Variants in IGLL1 observed in about 807,000 individuals in gnomAD.
IGLL1 encodes the protein immunoglobulin lambda like polypeptide 1.
A neutral mutation model predicts 10.5 loss-of-function variants in IGLL1; 10 were observed. The observed-to-expected ratio is 0.95, with a 90% CI of 0.59 to 1.62. The LOEUF is 1.62. IGLL1 is among the 40% of genes most tolerant of loss of function. The pLI, the probability that IGLL1 is intolerant of heterozygous loss-of-function variation, is 0.00. For missense variants in IGLL1, 284 were observed against 278.7 expected (o/e 1.02, Z -0.14); for synonymous variants, 141 against 122.7 (o/e 1.15, Z -0.99).
At position 23,575,466 on chromosome 22, in the gene IGLL1, C is replaced by T. The variant is rs542272015; in HGVS notation, c.207-384G>A. 5.9e-5 allele frequency among the ~76,000 whole-genome samples: 9 copies of T among 152,286 alleles called. No homozygotes were observed. In the South Asian group the frequency reaches 1.9e-3, roughly 32 times the overall value. On this transcript the variant is annotated intron_variant, in intron 1 of 2. Coordinates refer to ENST00000330377, the MANE Select transcript of IGLL1 (RefSeq NM_020070.4). Reference sequence around the variant, plus strand: ...CCAGGACATTGGGTCATTCCTGACTCAAGAGGAGAGTCCTCTGCTTTTATA... The same window carrying T: ...CCAGGACATTGGGTCATTCCTGACTTAAGAGGAGAGTCCTCTGCTTTTATA...
chr22:23,574,933 G>A, intron 2 of IGLL1, 34 bp downstream of exon 2: 1 of 1,388,882 alleles, frequency 7.2e-7, no homozygotes, highest in Non-Finnish European at 1.0e-6. Flanking sequence ...AGACAGGAGA[G>A]GGTGGGACAG....
rs184360783 is a variant in IGLL1 at position 23,579,912 on chromosome 22, G to A, written c.206+73C>T. On this transcript the variant is annotated intron_variant, in intron 1 of 2. Coordinates refer to ENST00000330377, the MANE Select transcript of IGLL1 (RefSeq NM_020070.4). ...ACCTTCCTCCTCACCCCTCTGGCTCGTCTCCCCTTGGTCATCCTTTCCCGC... is the reference window on the plus strand; with the variant it reads ...ACCTTCCTCCTCACCCCTCTGGCTCATCTCCCCTTGGTCATCCTTTCCCGC... 77 of 1,308,270 alleles carry A rather than the reference G, an allele frequency of 5.9e-5. 1 individual carries two copies. In the African/African-American group the frequency reaches 7.5e-4, roughly 13 times the overall value. The allele number at this position is 1,308,270 out of a possible 1,614,324, so 81.0% of individuals were successfully genotyped here. A position where few individuals can be genotyped will look rare whatever the true frequency, so the allele number is the denominator to read the frequency against.
chr22:23,580,127 G>A lies in IGLL1; in HGVS notation c.64C>T (p.Gln22Ter), dbSNP rs74315491. The change falls in exon 1 of 3, where the codon CAG (glutamine) becomes TAG (stop). Residue 22 changes from glutamine to a stop codon, truncating the protein, a stop_gained. Coordinates refer to ENST00000330377, the MANE Select transcript of IGLL1 (RefSeq NM_020070.4). LOFTEE classifies it high-confidence loss of function. Reference protein sequence around the residue: ...APGEPGPNLRQRWPLLLLGLA... With the variant: ...APGEPGPNLR ...CCCAGCAGCAGCAGGGGCCAGCGCT[G>A]CCTGAGGTTGGGGCCTGGCTCACCA... 3.2e-6 allele frequency: 5 copies of A among 1,562,454 alleles called. No homozygotes were observed. The highest frequency in any genetic ancestry group is 1.7e-6 in the Non-Finnish European group (2 of 1,156,532).
chr22:23,575,658 T>C (rs1178960432), intron 1 of IGLL1, among the ~76,000 whole-genome samples: 1 of 152,154 alleles, frequency 6.6e-6, no homozygotes, highest in Non-Finnish European at 1.5e-5. Flanking sequence ...TCCATCCATC[T>C]ACCTGTCCGT....
At chr22:23,579,683 C>T (rs1427918046) in intron 1 of IGLL1, among the ~76,000 whole-genome samples, 1 of 152,086 alleles carries the variant, frequency 6.6e-6, no homozygotes, top group Non-Finnish European at 1.5e-5. Flanking sequence ...CTGCCCCTGC[C>T]TCCAGTCCTG....
Position 23,575,129 on chromosome 22 carries a change from C to T in IGLL1, c.207-47G>A, listed in dbSNP as rs4292172. 171 of 1,361,644 alleles carry T rather than the reference C, an allele frequency of 1.3e-4. No homozygotes were observed. In the East Asian group the frequency reaches 2.0e-3, roughly 16 times the overall value. 84.3% of individuals were successfully genotyped at this position (1,361,644 alleles called of 1,614,324 possible). ...GGGCTGCAGTGTGTAGGCTGTGACC[C>T]AGGCACAGGGTAGGGGGGTGGCCAG... On this transcript the variant is annotated intron_variant, in intron 1 of 2. Transcript: ENST00000330377.
chr22:23,577,177 C>T (rs935668149), intron 1 of IGLL1, among the ~76,000 whole-genome samples: 8 of 152,096 alleles, frequency 5.3e-5, no homozygotes, highest in African/African-American at 1.7e-4. Context: ...TTTAGGAGGC[C>T]GAGGCGGGTG....
chr22:23,578,724 G>A (rs561649108), intron 1 of IGLL1, among the ~76,000 whole-genome samples: 2 of 152,302 alleles, frequency 1.3e-5, no homozygotes, highest in Admixed American at 1.3e-4. Context: ...GGAGGCTGAG[G>A]TGGGTGGATC....
rs1924889484 is a variant in IGLL1, at chr22:23,573,449, A to T, written c.459T>A (p.Gly153=). ...TCTCCACGCCCTGGGTGATGGGGGT[A>T]CCATCTGCCTTCCAGGTCACCGTCA... ...GILTVTWKAD[G]TPITQGVEMT... is the part of the protein sequence containing the mutation. The change falls in exon 3 of 3, where the codon GGT becomes GGA. Residue 153 remains glycine, a synonymous_variant. Coordinates refer to ENST00000330377, the MANE Select transcript of IGLL1 (RefSeq NM_020070.4). 1 of 1,613,826 alleles carries T rather than the reference A, an allele frequency of 6.2e-7. No homozygotes were observed. Among genetic ancestry groups the T allele is most frequent in the South Asian group, 1.1e-5 (1 of 91,074 alleles).
At chr22:23,574,220 A>C (rs113568147) in intron 2 of IGLL1, among the ~76,000 whole-genome samples, 18 of 151,216 alleles carry the variant, frequency 1.2e-4, no homozygotes, top group Non-Finnish European at 2.4e-4. Context: ...TTCACCTGGC[A>C]GCCATGGAGT....
chr22:23,575,762 T>C (rs2096522), intron 1 of IGLL1, among the ~76,000 whole-genome samples: 23,829 of 151,786 alleles, frequency 0.16, 4,312 homozygotes, highest in African/African-American at 0.45. Context: ...CAGGCCATGG[T>C]CAACAAGGCC....
rs141766631 is a variant in IGLL1, at chr22:23,573,417, G to A, written c.491C>T (p.Thr164Met). The stretch of plus-strand genomic sequence containing the variant: ...CTTGTTGTTGCTCTGTTTGGAGGGC[G>A]TGGTCATCTCCACGCCCTGGGTGAT... ...TPITQGVEMT[T>M]PSKQSNNKYA... The change falls in exon 3 of 3, where the codon ACG becomes ATG. Residue 164 changes from threonine (T) to methionine (M), a missense_variant. Physicochemically the swap from Thr to Met is moderately conservative, Grantham distance 81 (BLOSUM62 -1). Coordinates refer to ENST00000330377, the MANE Select transcript of IGLL1 (RefSeq NM_020070.4). 2.7e-5 allele frequency: 43 copies of A among 1,613,928 alleles called. 1 individual carries two copies. Among genetic ancestry groups the A allele is most frequent in the Middle Eastern group, 3.3e-4 (2 of 6,080 alleles).
At position 23,573,166 on chromosome 22, in the gene IGLL1, G is replaced by A. The variant is rs1050058297; in HGVS notation, c.*100C>T. 5.4e-6 allele frequency: 6 copies of A among 1,102,906 alleles called. No homozygotes were observed. The highest frequency in any genetic ancestry group is 4.6e-5 in the African/African-American group (3 of 64,718). 68.3% of individuals were successfully genotyped at this position (1,102,906 alleles called of 1,614,324 possible). On this transcript the variant is annotated 3_prime_UTR_variant, in exon 3 of 3. Transcript: ENST00000330377. Reference sequence around the variant, plus strand: ...AGGGTATTTATTTAGGGTTTACTGGGTACAGGGAGAAGGGCTGGATGGCTT... The same window carrying A: ...AGGGTATTTATTTAGGGTTTACTGGATACAGGGAGAAGGGCTGGATGGCTT...
chr22:23,575,751 C>T (rs1455688345), intron 1 of IGLL1, among the ~76,000 whole-genome samples: 3 of 152,212 alleles, frequency 2.0e-5, no homozygotes, highest in Non-Finnish European at 4.4e-5. Flanking sequence ...CCCATCTCTC[C>T]CAGGCCATGG....
chr22:23,575,925 T>G (rs371677860), intron 1 of IGLL1, among the ~76,000 whole-genome samples: 19 of 149,354 alleles, frequency 1.3e-4, no homozygotes, highest in African/African-American at 1.8e-4. Flanking sequence ...CCATGGCCCA[T>G]GCCTGGCTGC....
Position 23,575,000 on chromosome 22 carries a change from C to G in IGLL1, c.289G>C (p.Val97Leu), listed in dbSNP as rs760395366. 1.2e-6 allele frequency: 2 copies of G among 1,614,042 alleles called. No homozygotes were observed. The highest frequency in any genetic ancestry group is 1.7e-6 in the Non-Finnish European group (2 of 1,179,924). Residue 97 changes from valine to leucine, a missense_variant, in exon 2 of 3, where the codon GTG (valine) becomes CTG (leucine). Val to Leu is a conservative substitution (Grantham distance 32). Coordinates refer to ENST00000330377, the MANE Select transcript of IGLL1 (RefSeq NM_020070.4). The part of the protein sequence containing the change: ...FQSKHNSVTH[V>L]FGSGTQLTVL... ...GTGAGCTGGGTCCCGCTGCCAAACACATGCGTCACTGAGTTATGCTTGGAT... is the reference window on the plus strand; with the variant it reads ...GTGAGCTGGGTCCCGCTGCCAAACAGATGCGTCACTGAGTTATGCTTGGAT...
intron 1 of IGLL1, among the ~76,000 whole-genome samples, chr22:23,578,244 A>G (rs1447781303): frequency 6.6e-6 from 1 of 152,000 alleles, no homozygotes; most frequent in Non-Finnish European, 1.5e-5. Flanking sequence ...TAGCCCCCCA[A>G]CATAATACCA....
At position 23,579,966 on chromosome 22, in the gene IGLL1, G is replaced by C; in HGVS notation, c.206+19C>G. On this transcript the variant is annotated intron_variant, in intron 1 of 2. Transcript: ENST00000330377. Reference sequence around the variant, plus strand: ...TGCCACCCAGACCCCCACATCCCCTGGAATCTCTCACCCCTTACCTGCCCC... The same window carrying C: ...TGCCACCCAGACCCCCACATCCCCTCGAATCTCTCACCCCTTACCTGCCCC... The C allele has an allele frequency of 6.4e-7, 1 of 1,560,572 alleles. No homozygotes were observed. The highest frequency in any genetic ancestry group is 2.3e-5 in the East Asian group (1 of 42,874).
intron 1 of IGLL1, among the ~76,000 whole-genome samples, chr22:23,578,782 C>G (rs1296421197): frequency 2.0e-5 from 3 of 151,992 alleles, no homozygotes; most frequent in African/African-American, 2.4e-5. Context: ...TGGTGAAACT[C>G]TGTCTTTACT....
Sources: allele counts gnomAD v4.1 joint callset (sites outside exome capture counted in the v4.1 genomes callset), GRCh38; gene constraint gnomAD v4.1.1; transcripts MANE v1.5; gene names NCBI Gene and HGNC (gene_info 2026-07-23, HGNC 2026-07-21).